Variants in PAPSS2 observed in about 807,000 individuals in gnomAD.
The protein encoded by PAPSS2 is bifunctional 3'-phosphoadenosine 5'-phosphosulfate synthase 2.
PAPSS2 carries 61 observed loss-of-function variants against 66.5 expected under a neutral mutation model. The ratio of observed to expected loss-of-function variants is 0.92; its 90% confidence interval spans 0.75 to 1.14. The LOEUF is 1.14. Among genes scored for constraint, PAPSS2 ranks in the 50% most tolerant of loss-of-function variants. The pLI is 0.00. For missense variants in PAPSS2, 708 were observed against 789.6 expected (o/e 0.90, Z 1.24); for synonymous variants, 289 against 287.5 (o/e 1.01, Z -0.05).
chr10:87,706,024 G>A (rs147137517), intron 1 of PAPSS2, among the ~76,000 whole-genome samples: 5,704 of 146,868 alleles, frequency 0.039, 383 homozygotes, highest in African/African-American at 0.14. Flanking sequence ...GAGCCGCCGC[G>A]TCTGGCCAGG....
chr10:87,715,777 C>G lies in PAPSS2; in HGVS notation c.799C>G (p.Pro267Ala). Residue 267 changes from proline to alanine, a missense_variant, in exon 7 of 13, where the codon CCC becomes GCC. Transcript: ENST00000456849. Reference protein sequence around the residue: ...VQVLSEGWATPLKGFMREKEY... With the variant: ...VQVLSEGWATALKGFMREKEY... ...GGTTTTGAGCGAAGGCTGGGCCACT[C>G]CCCTCAAAGGTTTCATGCGGGAGAA... 6.2e-7 allele frequency: 1 copy of G among 1,613,748 alleles called. No individual in the cohort carries two copies. Among genetic ancestry groups the G allele is most frequent in the Non-Finnish European group, 8.5e-7 (1 of 1,179,662 alleles).
At chr10:87,676,345 A>G (rs1376381398) in intron 1 of PAPSS2, among the ~76,000 whole-genome samples, 1 of 152,162 alleles carries the variant, frequency 6.6e-6, no homozygotes, top group Non-Finnish European at 1.5e-5. Context: ...AATCTAAAAT[A>G]ATTTCCTTGT....
intron 6 of PAPSS2, 39 bp downstream of exon 6, chr10:87,715,137 A>G (rs777931712): frequency 1.0e-6 from 1 of 985,876 alleles, no homozygotes; most frequent in South Asian, 1.3e-5. Context: ...TAGGCTTAAT[A>G]TCAGTCATTA....
intron 11 of PAPSS2, among the ~76,000 whole-genome samples, chr10:87,744,501 G>A (rs1339883498): frequency 6.6e-6 from 1 of 152,170 alleles, no homozygotes; most frequent in Non-Finnish European, 1.5e-5. Flanking sequence ...AAAGTTCCAG[G>A]CCCCTAGCTC....
At chr10:87,698,549 G>A (rs1853263428) in intron 1 of PAPSS2, among the ~76,000 whole-genome samples, 1 of 152,180 alleles carries the variant, frequency 6.6e-6, no homozygotes, top group South Asian at 2.1e-4. Context: ...TTAACACAAA[G>A]TATAATCCTA....
chr10:87,662,250 G>A (rs2131890618), intron 1 of PAPSS2, among the ~76,000 whole-genome samples: 1 of 152,224 alleles, frequency 6.6e-6, no homozygotes, highest in African/African-American at 2.4e-5. Flanking sequence ...TGGTATACTG[G>A]GTGGGGGAGG....
chr10:87,663,317 G>C (rs1002694464), intron 1 of PAPSS2, among the ~76,000 whole-genome samples: 3 of 151,864 alleles, frequency 2.0e-5, no homozygotes, highest in African/African-American at 7.3e-5. Context: ...TTGCCACGTT[G>C]GTCAGGCTGG....
chr10:87,677,843 T>C (rs1281415118), intron 1 of PAPSS2, among the ~76,000 whole-genome samples: 1 of 152,220 alleles, frequency 6.6e-6, no homozygotes, highest in Non-Finnish European at 1.5e-5. Context: ...CATAGGTCAG[T>C]ACCTGCCAGA....
chr10:87,741,386 T>A lies in PAPSS2; in HGVS notation c.1222+16T>A, dbSNP rs1406010661. 6.3e-7 allele frequency: 1 copy of A among 1,599,802 alleles called. No individual in the cohort carries two copies. The highest frequency in any genetic ancestry group is 1.3e-5 in the African/African-American group (1 of 74,758). On this transcript the variant is annotated intron_variant, in intron 10 of 12. Transcript: ENST00000456849. ...ATGAATGCTGGTATGTAAACTGTTC[T>A]TAGTGCATTTTATTTATTTATTTAT...
Position 87,722,794 on chromosome 10 carries a change from T to C in PAPSS2, c.880+1024T>C, listed in dbSNP as rs1004430033. 2.6e-5 allele frequency among the ~76,000 whole-genome samples: 4 copies of C among 152,354 alleles called. No homozygotes were observed. In the South Asian group the frequency reaches 6.2e-4, roughly 24 times the overall value. The stretch of plus-strand genomic sequence containing the variant: ...AGGTTGATAAAGATGATAGGGAAAC[T>C]ACAGTAAATCTGTGTATACACATGT... On this transcript the variant is annotated intron_variant, in intron 8 of 12. Coordinates refer to ENST00000456849, the MANE Select transcript of PAPSS2 (RefSeq NM_001015880.2).
At chr10:87,742,650 C>T (rs943097178) in intron 10 of PAPSS2, among the ~76,000 whole-genome samples, 23 of 152,096 alleles carry the variant, frequency 1.5e-4, no homozygotes, top group South Asian at 1.0e-3. Context: ...TTCTTTAAAG[C>T]GAAAGCAAAA....
At chr10:87,683,185 C>T (rs1181922734) in intron 1 of PAPSS2, among the ~76,000 whole-genome samples, 6 of 151,132 alleles carry the variant, frequency 4.0e-5, no homozygotes, top group African/African-American at 7.3e-5. Context: ...CTCCCTCTCC[C>T]GGGTTCAAGC....
At chr10:87,742,602 C>T (rs7905932) in intron 10 of PAPSS2, among the ~76,000 whole-genome samples, 44,274 of 152,066 alleles carry the variant, frequency 0.29, 6,709 homozygotes, top group Middle Eastern at 0.31. Flanking sequence ...AATTAAGGCT[C>T]TCAGGAGTCC....
intron 8 of PAPSS2, among the ~76,000 whole-genome samples, chr10:87,724,350 C>A (rs1853631827): frequency 6.6e-6 from 1 of 151,452 alleles, no homozygotes; most frequent in African/African-American, 2.4e-5. Flanking sequence ...ATTAGTTTTA[C>A]CAGTTATTAA....
chr10:87,663,622 C>T (rs1040873248), intron 1 of PAPSS2, among the ~76,000 whole-genome samples: 2 of 152,164 alleles, frequency 1.3e-5, no homozygotes, highest in Non-Finnish European at 2.9e-5. Context: ...AAATTCAGGT[C>T]TGTCCAGCTT....
intron 1 of PAPSS2, among the ~76,000 whole-genome samples, chr10:87,675,411 GATAAAAATTACAAAT>G (rs751486950): frequency 3.9e-5 from 6 of 152,156 alleles, no homozygotes; most frequent in Non-Finnish European, 7.3e-5. Flanking sequence ...TTTGGAATTG[GATAAAAATTACAAAT>G]ATTATAATAA....
At chr10:87,726,550 A>G (rs1476413224) in intron 8 of PAPSS2, among the ~76,000 whole-genome samples, 1 of 152,256 alleles carries the variant, frequency 6.6e-6, no homozygotes, top group African/African-American at 2.4e-5. Context: ...CCCTGATGTG[A>G]TTATTATGCA....
chr10:87,677,058 G>A (rs1852958892), intron 1 of PAPSS2, among the ~76,000 whole-genome samples: 1 of 151,902 alleles, frequency 6.6e-6, no homozygotes, highest in Admixed American at 6.6e-5. Flanking sequence ...GCCGGGCATG[G>A]CAGCACACTC....
In PAPSS2 at chr10:87,726,005, A is replaced by G. The variant is rs151279288; in HGVS notation, c.881-1279A>G. On this transcript the variant is annotated intron_variant, in intron 8 of 12. Coordinates refer to ENST00000456849, the MANE Select transcript of PAPSS2 (RefSeq NM_001015880.2). ...GCAATCCTCCCATCTTGGCCTCCCA[A>G]AATGCTGGGATTATAGGTGTAAGCC... Among the ~76,000 whole-genome samples the G allele has an allele frequency of 1.2e-4, 19 of 152,190 alleles. No homozygotes were observed. The East Asian group carries it at 3.5e-3, about 28-fold the overall frequency.
Sources: allele counts gnomAD v4.1 joint callset (sites outside exome capture counted in the v4.1 genomes callset), GRCh38; gene constraint gnomAD v4.1.1; transcripts MANE v1.5; gene names NCBI Gene and HGNC (gene_info 2026-07-23, HGNC 2026-07-21).